PYM1: variants seen among roughly 807,000 people sequenced by gnomAD.
PYM1 encodes PYM1 exon junction complex associated factor.
A neutral mutation model predicts 20.7 loss-of-function variants in PYM1; 7 were observed. That is an observed-to-expected ratio of 0.34 (90% CI 0.19 to 0.64). The LOEUF (loss-of-function observed/expected upper bound fraction) is 0.64, where lower values mean the gene tolerates loss of function less well. Ranked by LOEUF, PYM1 falls within the 30% of genes least tolerant of loss-of-function variation. The probability of loss-of-function intolerance (pLI) is 0.74; values close to 1 mark genes in which losing one functional copy is unlikely to be tolerated. For missense variants in PYM1, 194 were observed against 250.0 expected, an observed-to-expected ratio of 0.78 and a Z score of 1.51; for synonymous variants, 100 against 99.2, an observed-to-expected ratio of 1.01 and a Z score of -0.05.
intron 1 of PYM1, among the ~76,000 whole-genome samples, chr12:55,905,854 A>ATATTAGATATATATATATC (rs1249908591): frequency 0.021 from 744 of 35,356 alleles, 107 homozygotes; most frequent in African/African-American, 0.056. Flanking sequence ...TATATATTAT[A>ATATTAGATATATATATATC]TATTAGATAT....
intron 1 of PYM1, chr12:55,927,437 C>G: frequency 1.4e-6 from 1 of 707,628 alleles, no homozygotes. Flanking sequence ...GGGAAAAGGG[C>G]GCAAGGCCCA....
Position 55,927,490 on chromosome 12 carries a change from A to C in PYM1, c.37+235T>G, listed in dbSNP as rs914499052. On this transcript the variant is annotated intron_variant, in intron 1 of 2. Transcript: ENST00000408946. ...GGCCTTATAAATGAAGAAAGGAAGA[A>C]TATCCAGGCTCTGGCCTGCACCCAG... 7 of 691,334 alleles carry C rather than the reference A, an allele frequency of 1.0e-5. 1 individual carries two copies. The highest frequency in any genetic ancestry group is 4.9e-5 in the South Asian group (3 of 61,796). The allele number at this position is 691,334 out of a possible 1,614,324, so 42.8% of individuals were successfully genotyped here.
chr12:55,919,756 T>C (rs1340455588), intron 1 of PYM1, among the ~76,000 whole-genome samples: 1 of 151,768 alleles, frequency 6.6e-6, no homozygotes, highest in Non-Finnish European at 1.5e-5. Flanking sequence ...AAAAAATAGC[T>C]GGGCATAGTG....
intron 1 of PYM1, among the ~76,000 whole-genome samples, chr12:55,917,272 T>A (rs1883023881): frequency 6.7e-6 from 1 of 149,538 alleles, no homozygotes; most frequent in African/African-American, 2.5e-5. Flanking sequence ...ATAAAAAAAA[T>A]TAGCCGGGCG....
rs1882691473 is a variant in PYM1 at position 55,901,748 on chromosome 12, C to T, written c.*124G>A. 3.1e-6 allele frequency: 4 copies of T among 1,307,140 alleles called. No individual in the cohort carries two copies. Among genetic ancestry groups the T allele is most frequent in the African/African-American group, 1.8e-5 (1 of 55,316 alleles). The allele number at this position is 1,307,140 out of a possible 1,614,324, so 81.0% of individuals were successfully genotyped here. ...CTAGGCTCTGGAGGACAGAGCTGGG[C>T]CGCAGGAGGTGGAAGTAAGCCAGTA... On this transcript the variant is annotated 3_prime_UTR_variant, in exon 3 of 3. Coordinates refer to ENST00000408946, the MANE Select transcript of PYM1 (RefSeq NM_032345.3).
In PYM1 at chr12:55,905,862, T is replaced by TATATATATATCTATTAG. The variant is rs1882793170; in HGVS notation, c.38-2399_38-2383dup. 7.6e-5 allele frequency among the ~76,000 whole-genome samples: 3 copies of TATATATATATCTATTAG among 39,690 alleles called. 1 individual carries two copies. The highest frequency in any genetic ancestry group is 2.6e-4 in the African/African-American group (3 of 11,540). The allele number at this position is 39,690 out of a possible 152,430, so 26.0% of individuals were successfully genotyped here. On this transcript the variant is annotated intron_variant, in intron 1 of 2. Coordinates refer to ENST00000408946, the MANE Select transcript of PYM1 (RefSeq NM_032345.3). ...TTAGATATATATATTATATATTAGATATATATATATCTATTAGATATATAT... is the reference window on the plus strand; with the variant it reads ...TTAGATATATATATTATATATTAGATATATATATATCTATTAGATATATATATCTATTAGATATATAT...
At chr12:55,907,267 C>T (rs1040252367) in intron 1 of PYM1, among the ~76,000 whole-genome samples, 1 of 151,286 alleles carries the variant, frequency 6.6e-6, no homozygotes, top group African/African-American at 2.4e-5. Context: ...AGTTCCAGAC[C>T]AGCCTGGCCA....
chr12:55,903,461 T>A lies in PYM1; in HGVS notation c.57A>T (p.Thr19=). Residue 19 remains threonine (T), a synonymous_variant, in exon 2 of 3, where the codon ACA becomes ACT. Coordinates refer to ENST00000408946, the MANE Select transcript of PYM1 (RefSeq NM_032345.3). ...ATETGKYIAS[T]QRPDGTWRKQ... Reference sequence around the variant, plus strand: ...TGCGCCAGGTCCCGTCAGGTCGCTGTGTTGACGCGATATACTTGCCTAAAA... The same window carrying A: ...TGCGCCAGGTCCCGTCAGGTCGCTGAGTTGACGCGATATACTTGCCTAAAA... 1 of 1,614,124 alleles carries A rather than the reference T, an allele frequency of 6.2e-7. No individual in the cohort carries two copies. Among genetic ancestry groups the A allele is most frequent in the Non-Finnish European group, 8.5e-7 (1 of 1,180,020 alleles).
chr12:55,911,899 G>A (rs1252422673), intron 1 of PYM1, among the ~76,000 whole-genome samples: 2 of 152,022 alleles, frequency 1.3e-5, no homozygotes, highest in South Asian at 2.1e-4. Context: ...CCCATCTGAT[G>A]AGAACTTATG....
At position 55,901,728 on chromosome 12, in the gene PYM1, C is replaced by G; in HGVS notation, c.*144G>C. Reference sequence around the variant, plus strand: ...GGGAAGGATTGAGGGAGACGCTAGGCTCTGGAGGACAGAGCTGGGCCGCAG... The same window carrying G: ...GGGAAGGATTGAGGGAGACGCTAGGGTCTGGAGGACAGAGCTGGGCCGCAG... On this transcript the variant is annotated 3_prime_UTR_variant, in exon 3 of 3. Transcript: ENST00000408946. 8.4e-7 allele frequency: 1 copy of G among 1,192,970 alleles called. No homozygotes were observed. The highest frequency in any genetic ancestry group is 1.2e-6 in the Non-Finnish European group (1 of 857,756). The allele number at this position is 1,192,970 out of a possible 1,614,324, so 73.9% of individuals were successfully genotyped here. A position where few individuals can be genotyped will look rare whatever the true frequency, so the allele number is the denominator to read the frequency against.
intron 1 of PYM1, among the ~76,000 whole-genome samples, chr12:55,926,055 C>T (rs186772598): frequency 6.6e-6 from 1 of 152,272 alleles, no homozygotes; most frequent in Non-Finnish European, 1.5e-5. Context: ...AGCAAAATGG[C>T]ACATTTTAAA....
chr12:55,902,757 G>A (rs1377783187), intron 2 of PYM1, among the ~76,000 whole-genome samples: 1 of 151,130 alleles, frequency 6.6e-6, no homozygotes. Flanking sequence ...GGATTACAGA[G>A]AGCCACTGCG....
intron 1 of PYM1, among the ~76,000 whole-genome samples, chr12:55,916,888 A>T (rs764013363): frequency 3.3e-5 from 5 of 152,190 alleles, no homozygotes; most frequent in Middle Eastern, 3.4e-3. Context: ...AGGCAGGCAG[A>T]TCGCTTGCAT....
At chr12:55,903,630 C>A (rs1882733467) in intron 1 of PYM1, 150 bp from the exon 2 acceptor site, 3 of 671,892 alleles carry the variant, frequency 4.5e-6, no homozygotes, top group Non-Finnish European at 5.1e-6. Context: ...AACACTCAAT[C>A]CCTCTCTCAT....
At chr12:55,903,854 G>A (rs1565713736) in intron 1 of PYM1, among the ~76,000 whole-genome samples, 1 of 152,062 alleles carries the variant, frequency 6.6e-6, no homozygotes, top group East Asian at 1.9e-4. Flanking sequence ...ATGTTGTAAA[G>A]GAGAAATTTT....
At chr12:55,902,905 T>C (rs1261452702) in intron 2 of PYM1, among the ~76,000 whole-genome samples, 1 of 152,164 alleles carries the variant, frequency 6.6e-6, no homozygotes, top group African/African-American at 2.4e-5. Flanking sequence ...GTAGCTGGGA[T>C]TACAGGCTCG....
At chr12:55,904,375 C>G (rs984593572) in intron 1 of PYM1, among the ~76,000 whole-genome samples, 1 of 150,950 alleles carries the variant, frequency 6.6e-6, no homozygotes, top group South Asian at 2.1e-4. Flanking sequence ...GGTTGAATCA[C>G]GAGGTCAGGA....
intron 1 of PYM1, among the ~76,000 whole-genome samples, chr12:55,909,838 C>T (rs1882888971): frequency 6.6e-6 from 1 of 152,006 alleles, no homozygotes; most frequent in Non-Finnish European, 1.5e-5. Flanking sequence ...TAAACAGTTA[C>T]TATCGGAAAA....
At chr12:55,926,885 G>A (rs1883198274) in intron 1 of PYM1, among the ~76,000 whole-genome samples, 2 of 152,198 alleles carry the variant, frequency 1.3e-5, no homozygotes, top group Non-Finnish European at 2.9e-5. Context: ...GTGACCGGAA[G>A]CAGAGACCCC....
Sources: allele counts gnomAD v4.1 joint callset (sites outside exome capture counted in the v4.1 genomes callset), GRCh38; gene constraint gnomAD v4.1.1; transcripts MANE v1.5; gene names NCBI Gene and HGNC (gene_info 2026-07-23, HGNC 2026-07-21).